GUCY1A2: variants seen among roughly 807,000 people sequenced by gnomAD.
GUCY1A2 encodes the protein guanylate cyclase 1 soluble subunit alpha 2, also known as guanylate cyclase soluble subunit alpha-2.
In GUCY1A2, 27 loss-of-function variants were observed where a neutral mutation model predicts 63.5. The observed-to-expected ratio is 0.43, with a 90% confidence interval of 0.31 to 0.59. The LOEUF (loss-of-function observed/expected upper bound fraction) is 0.59, where lower values mean the gene tolerates loss of function less well. GUCY1A2 is among the 20% of genes least tolerant of loss of function. GUCY1A2 has a pLI of 0.11. For synonymous variants in GUCY1A2, 364 were observed against 343.5 expected (o/e 1.06, Z -0.66); for missense variants, 768 against 913.3 (o/e 0.84, Z 2.05).
chr11:106,722,784 CTGTGTGTGTGTG>C lies in GUCY1A2; in HGVS notation c.1837-14130_1837-14119del, dbSNP rs5794487. On this transcript the variant is annotated intron_variant, in intron 6 of 7. Coordinates refer to ENST00000526355, the MANE Select transcript of GUCY1A2 (RefSeq NM_000855.3). ...ACAAAATAGTCATCAAAGACCAGTT[CTGTGTGTGTGTG>C]TGTGTGTGTGTGTGTGTGTGTGTTG... is the stretch of plus-strand genomic sequence containing the variant. 7.1e-3 allele frequency among the ~76,000 whole-genome samples: 1,053 copies of C among 148,962 alleles called. 12 individuals are homozygous for C. The highest frequency in any genetic ancestry group is 0.022 in the African/African-American group (910 of 40,764).
chr11:106,942,421 C>CA (rs1860763719), intron 3 of GUCY1A2, among the ~76,000 whole-genome samples: 1 of 152,172 alleles, frequency 6.6e-6, no homozygotes, highest in African/African-American at 2.4e-5. Flanking sequence ...TTTATATACA[C>CA]ATTCAATGAC....
intron 4 of GUCY1A2, chr11:106,826,798 A>C (rs1858977141): frequency 1.2e-6 from 2 of 1,609,828 alleles, no homozygotes; most frequent in African/African-American, 1.3e-5. Context: ...GACTGGGCTC[A>C]GCTGCCAGGA....
intron 5 of GUCY1A2, among the ~76,000 whole-genome samples, chr11:106,781,014 C>G (rs1276893481): frequency 1.4e-5 from 2 of 145,334 alleles, no homozygotes; most frequent in East Asian, 2.0e-4. Context: ...TCATGAGGAG[C>G]AGGAAAAGTG....
chr11:106,867,459 C>A (rs1346404473), intron 4 of GUCY1A2, among the ~76,000 whole-genome samples: 1 of 152,022 alleles, frequency 6.6e-6, no homozygotes, highest in Admixed American at 6.6e-5. Context: ...CTAGTTGAGA[C>A]TAGTTGAAAA....
intron 2 of GUCY1A2, among the ~76,000 whole-genome samples, chr11:106,980,370 T>C (rs969437632): frequency 1.3e-5 from 2 of 152,174 alleles, no homozygotes; most frequent in African/African-American, 2.4e-5. Context: ...AACTCATACA[T>C]GCACCCTAGT....
At chr11:106,716,709 T>C (rs1462748831) in intron 6 of GUCY1A2, among the ~76,000 whole-genome samples, 3 of 135,864 alleles carry the variant, frequency 2.2e-5, no homozygotes, top group African/African-American at 8.4e-5. Context: ...GCAGAGCTTG[T>C]AGTGAGCCGA....
At chr11:106,842,244 G>C (rs1209560825) in intron 4 of GUCY1A2, among the ~76,000 whole-genome samples, 1 of 151,888 alleles carries the variant, frequency 6.6e-6, no homozygotes, top group Non-Finnish European at 1.5e-5. Context: ...GACAGTGTTA[G>C]TGGTTCCCAC....
intron 3 of GUCY1A2, among the ~76,000 whole-genome samples, chr11:106,941,792 G>A (rs1027921575): frequency 2.0e-5 from 3 of 152,216 alleles, no homozygotes; most frequent in Non-Finnish European, 4.4e-5. Context: ...TAGCCAAGAA[G>A]TCAGTTTGAC....
chr11:106,906,950 G>A (rs947711961), intron 4 of GUCY1A2, among the ~76,000 whole-genome samples: 1 of 152,114 alleles, frequency 6.6e-6, no homozygotes, highest in Admixed American at 6.6e-5. Flanking sequence ...TTGGGGACTA[G>A]GGGAGGGATA....
intron 6 of GUCY1A2, among the ~76,000 whole-genome samples, chr11:106,773,123 C>T (rs1306789144): frequency 2.0e-5 from 3 of 151,518 alleles, no homozygotes; most frequent in Non-Finnish European, 4.4e-5. Flanking sequence ...CTATTGTATC[C>T]TCTTACTTCC....
At chr11:106,894,584 A>G (rs1860020021) in intron 4 of GUCY1A2, among the ~76,000 whole-genome samples, 1 of 152,202 alleles carries the variant, frequency 6.6e-6, no homozygotes, top group Admixed American at 6.6e-5. Context: ...AAAAGACTAG[A>G]AGTCTTACAA....
chr11:106,774,159 A>G (rs1864311406), intron 6 of GUCY1A2, among the ~76,000 whole-genome samples: 1 of 151,538 alleles, frequency 6.6e-6, no homozygotes, highest in African/African-American at 2.4e-5. Flanking sequence ...TTTGAGATGG[A>G]GTCTCGCTCT....
At chr11:106,973,996 G>T (rs540139416) in intron 3 of GUCY1A2, among the ~76,000 whole-genome samples, 24 of 152,192 alleles carry the variant, frequency 1.6e-4, no homozygotes, top group African/African-American at 5.5e-4. Context: ...GGTAAGGAAA[G>T]ATGAAGTAAA....
At chr11:106,935,902 C>A (rs1410081859) in intron 4 of GUCY1A2, among the ~76,000 whole-genome samples, 1 of 150,982 alleles carries the variant, frequency 6.6e-6, no homozygotes, top group Admixed American at 6.6e-5. Flanking sequence ...CAATTGACCT[C>A]ATGTATATGT....
intron 1 of GUCY1A2, among the ~76,000 whole-genome samples, chr11:106,991,154 T>A: frequency 9.5e-6 from 1 of 105,184 alleles, no homozygotes; most frequent in Non-Finnish European, 2.3e-5. Context: ...CATGCCCGGC[T>A]TTTTTTTTTT....
At chr11:106,842,763 GTTAGAATGTAGAT>G (rs1859217778) in intron 4 of GUCY1A2, among the ~76,000 whole-genome samples, 9 of 151,954 alleles carry the variant, frequency 5.9e-5, no homozygotes. Context: ...GAAGGGGCCT[GTTAGAATGTAGAT>G]TTTGATTTAG....
intron 1 of GUCY1A2, among the ~76,000 whole-genome samples, chr11:106,994,508 G>GT (rs1861510410): frequency 6.6e-6 from 1 of 152,188 alleles, no homozygotes. Context: ...ACTCCAGAGA[G>GT]TAACACCACC....
At chr11:106,911,977 GAACT>G (rs771286086) in intron 4 of GUCY1A2, among the ~76,000 whole-genome samples, 43 of 152,062 alleles carry the variant, frequency 2.8e-4, no homozygotes, top group Admixed American at 7.2e-4. Flanking sequence ...ATATTTGGAA[GAACT>G]AATATGTTTA....
intron 6 of GUCY1A2, among the ~76,000 whole-genome samples, chr11:106,727,739 C>T (rs1863431968): frequency 6.6e-6 from 1 of 152,132 alleles, no homozygotes; most frequent in African/African-American, 2.4e-5. Context: ...AGTATCTTGC[C>T]AATTTTGCCT....
Sources: allele counts gnomAD v4.1 joint callset (sites outside exome capture counted in the v4.1 genomes callset), GRCh38; gene constraint gnomAD v4.1.1; transcripts MANE v1.5; gene names NCBI Gene and HGNC (gene_info 2026-07-23, HGNC 2026-07-21).